The following SNX13 variants were observed in gnomAD, a reference collection of about 807,000 sequenced individuals.
SNX13 encodes sorting nexin-13.
A neutral mutation model predicts 133.6 loss-of-function variants in SNX13; 45 were observed. That is an observed-to-expected ratio of 0.34 (90% CI 0.27 to 0.43). SNX13 has a LOEUF of 0.43. Among genes scored for constraint, SNX13 ranks in the 20% least tolerant of loss-of-function variants. The probability of loss-of-function intolerance (pLI) is 1.00; values close to 1 mark genes in which losing one functional copy is unlikely to be tolerated. For synonymous variants in SNX13, 414 were observed against 373.9 expected, an observed-to-expected ratio of 1.11 and a Z score of -1.24; for missense variants, 1,032 against 1,145.1, an observed-to-expected ratio of 0.90 and a Z score of 1.43.
chr7:17,931,720 G>C (rs1195452571), intron 1 of SNX13, among the ~76,000 whole-genome samples: 1 of 152,210 alleles, frequency 6.6e-6, no homozygotes, highest in Non-Finnish European at 1.5e-5. Context: ...TAGGAAATCA[G>C]AGAAAACAGT....
chr7:17,872,739 G>T (rs2128351384), intron 8 of SNX13, among the ~76,000 whole-genome samples: 1 of 152,312 alleles, frequency 6.6e-6, no homozygotes, highest in East Asian at 1.9e-4. Flanking sequence ...TATCTATTTT[G>T]CAGGACAGAC....
chr7:17,847,106 AT>A (rs2128322766), intron 11 of SNX13, among the ~76,000 whole-genome samples: 1 of 152,324 alleles, frequency 6.6e-6, no homozygotes, highest in Admixed American at 6.5e-5. Context: ...ACGCTGAAAG[AT>A]CACTACCTCT....
Position 17,834,113 on chromosome 7 carries a change from C to T in SNX13, c.1536G>A (p.Met512Ile), listed in dbSNP as rs1284203346. Residue 512 changes from methionine (M) to isoleucine (I), a missense_variant, in exon 15 of 26, where the codon ATG becomes ATA. By Grantham distance (10) the Met-to-Ile change is conservative. Coordinates refer to ENST00000428135, the MANE Select transcript of SNX13 (RefSeq NM_015132.5). ...SFRQNALYVRMLAELDMLKDP... is the reference protein window; with the variant it reads ...SFRQNALYVRILAELDMLKDP... ...CTTTTAACATGTCAAGCTCAGCTAA[C>T]ATGCGCACATAAAGTGCATTCTGTC... The T allele has an allele frequency of 6.3e-7, 1 of 1,593,792 alleles. No homozygotes were observed. Among genetic ancestry groups the T allele is most frequent in the Admixed American group, 1.7e-5 (1 of 58,812 alleles).
chr7:17,794,362 T>A (rs905814148), intron 25 of SNX13, 70 bp from the exon 26 acceptor site: 17 of 1,520,538 alleles, frequency 1.1e-5, no homozygotes, highest in Admixed American at 1.1e-4. Flanking sequence ...TTAAATGTTC[T>A]TAAATTAAGG....
At chr7:17,869,293 T>C (rs1042885864) in intron 8 of SNX13, among the ~76,000 whole-genome samples, 1 of 152,150 alleles carries the variant, frequency 6.6e-6, no homozygotes, top group African/African-American at 2.4e-5. Context: ...ACTTATCTAC[T>C]GAATTATTTA....
At chr7:17,844,435 C>G (rs1475215117) in intron 12 of SNX13, among the ~76,000 whole-genome samples, 1 of 151,944 alleles carries the variant, frequency 6.6e-6, no homozygotes, top group African/African-American at 2.4e-5. Flanking sequence ...AAAGAAAAGA[C>G]CTGGACCTGA....
chr7:17,810,047 G>T (rs544196315), intron 20 of SNX13, among the ~76,000 whole-genome samples: 1 of 151,506 alleles, frequency 6.6e-6, no homozygotes, highest in Admixed American at 6.6e-5. Flanking sequence ...CCCTAACATC[G>T]CAATTAAAAA....
chr7:17,817,355 A>T (rs555083119), intron 18 of SNX13, among the ~76,000 whole-genome samples: 1 of 152,220 alleles, frequency 6.6e-6, no homozygotes, highest in Non-Finnish European at 1.5e-5. Flanking sequence ...CAGCCTTACC[A>T]CTTTTCCCTT....
intron 17 of SNX13, among the ~76,000 whole-genome samples, chr7:17,822,235 C>G (rs1332095502): frequency 6.6e-6 from 1 of 151,832 alleles, no homozygotes; most frequent in East Asian, 1.9e-4. Flanking sequence ...CATTACTTTG[C>G]CACATACCAA....
chr7:17,907,999 A>G (rs1798575083), intron 1 of SNX13, among the ~76,000 whole-genome samples: 5 of 152,166 alleles, frequency 3.3e-5, no homozygotes. Context: ...CTTATATTCA[A>G]CTACACACTG....
At chr7:17,880,433 G>T (rs1330242438) in intron 5 of SNX13, 2 of 152,292 alleles carry the variant, frequency 1.3e-5, no homozygotes, top group East Asian at 3.9e-4. Context: ...GTGTAACTGG[G>T]ATATTTAGGC....
chr7:17,824,980 GT>G (rs1787719785), intron 17 of SNX13, among the ~76,000 whole-genome samples: 1 of 152,096 alleles, frequency 6.6e-6, no homozygotes, highest in Admixed American at 6.6e-5. Context: ...ATGTTGGCCA[GT>G]ATGGTCTCAA....
chr7:17,797,981 T>A (rs1484293814), intron 24 of SNX13, among the ~76,000 whole-genome samples: 1 of 151,826 alleles, frequency 6.6e-6, no homozygotes, highest in Non-Finnish European at 1.5e-5. Flanking sequence ...AAAGCATACA[T>A]AAAGTACTGT....
intron 4 of SNX13, 112 bp from the exon 5 acceptor site, chr7:17,890,596 T>C: frequency 3.0e-6 from 2 of 665,558 alleles, no homozygotes; most frequent in East Asian, 6.1e-5. Context: ...TCTCTACGTA[T>C]TAATTTATGG....
intron 16 of SNX13, among the ~76,000 whole-genome samples, chr7:17,827,722 T>C (rs188396894): frequency 2.0e-5 from 3 of 151,828 alleles, no homozygotes; most frequent in East Asian, 1.9e-4. Flanking sequence ...ATGGGGCTAA[T>C]ACCTGCTCTA....
chr7:17,893,566 C>A lies in SNX13; in HGVS notation c.126-132G>T, dbSNP rs151328187. On this transcript the variant is annotated intron_variant, in intron 2 of 25. Coordinates refer to ENST00000428135, the MANE Select transcript of SNX13 (RefSeq NM_015132.5). The stretch of plus-strand genomic sequence containing the variant: ...CTAAAAAGTCAATTTGTGACTTTGG[C>A]AAAGCAAGAAATTGACAGATTGTAT... 220 of 609,772 alleles carry A rather than the reference C, an allele frequency of 3.6e-4. 1 individual carries two copies. In the African/African-American group the frequency reaches 3.7e-3, roughly 10 times the overall value. The allele number at this position is 609,772 out of a possible 1,614,324, so 37.8% of individuals were successfully genotyped here. A position where few individuals can be genotyped will look rare whatever the true frequency, so the allele number is the denominator to read the frequency against.
chr7:17,815,408 C>A (rs904966950), intron 19 of SNX13, among the ~76,000 whole-genome samples: 3 of 151,996 alleles, frequency 2.0e-5, no homozygotes, highest in African/African-American at 7.3e-5. Flanking sequence ...CAAAGCAAAA[C>A]CCCATCTCTA....
intron 8 of SNX13, among the ~76,000 whole-genome samples, chr7:17,869,063 C>T (rs144601083): frequency 1.0e-3 from 159 of 152,140 alleles, no homozygotes; most frequent in Non-Finnish European, 2.0e-3. Context: ...TCTACCTTCC[C>T]ATTCTTTGCA....
At chr7:17,843,529 GAAGAT>G (rs1402654068) in intron 12 of SNX13, among the ~76,000 whole-genome samples, 1 of 151,982 alleles carries the variant, frequency 6.6e-6, no homozygotes, top group African/African-American at 2.4e-5. Flanking sequence ...GACCCAGACA[GAAGAT>G]AAGTATGGAA....
Sources: allele counts gnomAD v4.1 joint callset (sites outside exome capture counted in the v4.1 genomes callset), GRCh38; gene constraint gnomAD v4.1.1; transcripts MANE v1.5; gene names NCBI Gene and HGNC (gene_info 2026-07-23, HGNC 2026-07-21).